Variants in MFN2 observed in about 807,000 individuals in gnomAD.
MFN2 encodes mitofusin-2.
MFN2 carries 43 observed loss-of-function variants against 87.5 expected under a neutral mutation model. The observed-to-expected ratio is 0.49, with a 90% CI of 0.38 to 0.63. The LOEUF is 0.63. Among genes scored for constraint, MFN2 ranks in the 30% least tolerant of loss-of-function variants. The probability of loss-of-function intolerance (pLI) is 0.00; values close to 1 mark genes in which losing one functional copy is unlikely to be tolerated. For synonymous variants in MFN2, 337 were observed against 359.9 expected (o/e 0.94, Z 0.72); for missense variants, 743 against 972.8 (o/e 0.76, Z 3.14).
chr1:12,007,772 T>A (rs1188298978), intron 17 of MFN2, among the ~76,000 whole-genome samples: 1 of 152,112 alleles, frequency 6.6e-6, no homozygotes, highest in Non-Finnish European at 1.5e-5. Flanking sequence ...TTTTCTTTCT[T>A]TCTTTTTTTT....
At chr1:12,007,795 T>A (rs150730679) in intron 17 of MFN2, among the ~76,000 whole-genome samples, 1 of 152,030 alleles carries the variant, frequency 6.6e-6, no homozygotes, top group Non-Finnish European at 1.5e-5. Context: ...AATTGATCAT[T>A]CTTGGGTGTT....
chr1:11,989,176 T>C lies in MFN2; in HGVS notation c.8T>C (p.Leu3Pro). 6.2e-7 allele frequency: 1 copy of C among 1,614,138 alleles called. No individual in the cohort carries two copies. The highest frequency in any genetic ancestry group is 8.5e-7 in the Non-Finnish European group (1 of 1,180,014). The change falls in exon 3 of 19, where the codon CTG becomes CCG. Residue 3 changes from leucine to proline, a missense_variant. Physicochemically the swap from Leu to Pro is moderately conservative, Grantham distance 98. This residue lies in a region of MFN2 where 31 missense variants were observed against 23.2 expected (regional missense o/e 1.33). Transcript: ENST00000235329. MS[L>P]LFSRCNSIVT... is the part of the protein sequence containing the mutation. ...AGCTTCTCTTGCAGCGCAATGTCCC[T>C]GCTCTTCTCTCGATGCAACTCTATC...
At chr1:11,993,663 G>C (rs1036352750) in intron 4 of MFN2, among the ~76,000 whole-genome samples, 1 of 151,712 alleles carries the variant, frequency 6.6e-6, no homozygotes, top group Admixed American at 6.6e-5. Context: ...TGAACCCCAG[G>C]GGGCGGAGCC....
At chr1:12,000,613 C>T (rs946400354) in intron 8 of MFN2, among the ~76,000 whole-genome samples, 6 of 152,178 alleles carry the variant, frequency 3.9e-5, no homozygotes, top group Non-Finnish European at 7.3e-5. Flanking sequence ...TCAAAAACAC[C>T]TGACACGTGG....
intron 5 of MFN2, 97 bp downstream of exon 5, chr1:11,996,415 C>A: frequency 6.9e-7 from 1 of 1,458,390 alleles, no homozygotes; most frequent in Non-Finnish European, 9.5e-7. Context: ...GGGGGCAGCA[C>A]CACCCTGTGG....
chr1:11,983,175 C>G (rs532806595), intron 2 of MFN2, among the ~76,000 whole-genome samples: 1 of 152,288 alleles, frequency 6.6e-6, no homozygotes, highest in Non-Finnish European at 1.5e-5. Flanking sequence ...CAGGTTCACA[C>G]TATCCTCCTG....
chr1:11,997,241 A>G lies in MFN2; in HGVS notation c.475-56A>G, dbSNP rs1638951328. The stretch of plus-strand genomic sequence containing the variant: ...GTGCTGTGATGCAGCGGCACAGGAA[A>G]TCTCCTGGCCTGGTGGTTCCTCCTC... On this transcript the variant is annotated intron_variant, in intron 5 of 18. Coordinates refer to ENST00000235329, the MANE Select transcript of MFN2 (RefSeq NM_014874.4). The G allele has an allele frequency of 1.6e-5, 26 of 1,611,352 alleles. No homozygotes were observed. The Admixed American group carries it at 4.0e-4, about 25-fold the overall frequency.
chr1:11,984,227 T>G (rs531568960), intron 2 of MFN2, among the ~76,000 whole-genome samples: 1 of 152,352 alleles, frequency 6.6e-6, no homozygotes, highest in Non-Finnish European at 1.5e-5. Flanking sequence ...CTGCAGCAAG[T>G]CACTTCTGGA....
At position 11,998,888 on chromosome 1, in the gene MFN2, C is replaced by T. The variant is rs1639049020; in HGVS notation, c.708+10C>T. On this transcript the variant is annotated intron_variant, in intron 7 of 18. Transcript: ENST00000235329. ...CACCCTGATGCAGACGGTAACTCCT[C>T]CTCTGCCTTCTCCCAAGCTCCCAGC... The T allele has an allele frequency of 4.3e-6, 7 of 1,614,006 alleles. No homozygotes were observed. In the East Asian group the frequency reaches 1.6e-4, roughly 36 times the overall value.
In MFN2 at chr1:12,004,182, A is replaced by C; in HGVS notation, c.1287+64A>C. 6.2e-7 allele frequency: 1 copy of C among 1,603,076 alleles called. No homozygotes were observed. ...CTCCGAGTAGAGTCCAGAAGAAAGC[A>C]GACCTCCTCCTCTTAGGGACTTCTC... On this transcript the variant is annotated intron_variant, in intron 12 of 18. Coordinates refer to ENST00000235329, the MANE Select transcript of MFN2 (RefSeq NM_014874.4). This position sits in a 1 kb window ranked among gnomAD's most constrained non-coding sequence, Gnocchi z 4.2.
intron 17 of MFN2, 33 bp downstream of exon 17, chr1:12,007,282 T>C: frequency 6.2e-7 from 1 of 1,606,996 alleles, no homozygotes; most frequent in Non-Finnish European, 8.5e-7. Flanking sequence ...AGCAGGGGAC[T>C]TCCTTTAGGC....
rs749606728 is a variant in MFN2, at chr1:12,006,550, A to G, written c.1729A>G (p.Ile577Val). The G allele has an allele frequency of 4.3e-6, 7 of 1,614,030 alleles. No homozygotes were observed. Among genetic ancestry groups the G allele is most frequent in the African/African-American group, 1.3e-5 (1 of 74,916 alleles). ...MGYNDQVQRPIPLTPANPSMP... is the reference protein window; with the variant it reads ...MGYNDQVQRPVPLTPANPSMP... ...TTTCTCTCCTCAGGTCCAGCGTCCC[A>G]TCCCTCTGACGCCAGCCAACCCCAG... The change falls in exon 16 of 19, where the codon ATC becomes GTC. Residue 577 changes from isoleucine to valine, a missense_variant. By Grantham distance (29) the Ile-to-Val change is conservative. Around this residue, in one of 3 missense-constraint regions of MFN2, gnomAD observed 571 missense variants for 670.7 expected, o/e 0.85. Coordinates refer to ENST00000235329, the MANE Select transcript of MFN2 (RefSeq NM_014874.4).
At chr1:11,989,142 G>A (rs762069576) in intron 2 of MFN2, 23 bp from the exon 3 acceptor site, 3 of 1,613,132 alleles carry the variant, frequency 1.9e-6, no homozygotes, top group East Asian at 2.2e-5. Flanking sequence ...TGCTGGGTTC[G>A]CTCACGTTAG....
intron 17 of MFN2, among the ~76,000 whole-genome samples, chr1:12,008,377 G>T (rs1318185561): frequency 1.3e-5 from 2 of 148,956 alleles, no homozygotes; most frequent in African/African-American, 5.0e-5. Flanking sequence ...GGGCGGAGGC[G>T]CCCCCACCTC....
chr1:12,008,394 G>GACCCA (rs1639520832), intron 17 of MFN2, among the ~76,000 whole-genome samples: 1 of 147,370 alleles, frequency 6.8e-6, no homozygotes, highest in Non-Finnish European at 1.5e-5. Flanking sequence ...CCTCCCTCCC[G>GACCCA]GACGGGGTGG....
intron 8 of MFN2, among the ~76,000 whole-genome samples, chr1:12,000,691 A>T (rs943217905): frequency 6.6e-6 from 1 of 152,140 alleles, no homozygotes; most frequent in African/African-American, 2.4e-5. Flanking sequence ...GCCAGGAGGG[A>T]TGTTCTAGTG....
chr1:11,996,144 A>C lies in MFN2; in HGVS notation c.312-12A>C. ...ACTGGTGGCTTTGCTGACAGCTGTT[A>C]CTTCCTTCTAGGACGAGCAATGGGA... On this transcript the variant is annotated splice_polypyrimidine_tract_variant and intron_variant, in intron 4 of 18. Transcript: ENST00000235329. The C allele has an allele frequency of 6.2e-7, 1 of 1,614,118 alleles. No homozygotes were observed. The highest frequency in any genetic ancestry group is 8.5e-7 in the Non-Finnish European group (1 of 1,180,028).
In MFN2 at chr1:11,984,415, A is replaced by G. The variant is rs138864729; in HGVS notation, c.-5+2301A>G. On this transcript the variant is annotated intron_variant, in intron 2 of 18. Transcript: ENST00000235329. Reference sequence around the variant, plus strand: ...GTAGAGTTTGTTGTTATTGTTTTATAACATGTAAAGCTGCCTTTAGCTCTT... The same window carrying G: ...GTAGAGTTTGTTGTTATTGTTTTATGACATGTAAAGCTGCCTTTAGCTCTT... Among the ~76,000 whole-genome samples the G allele has an allele frequency of 6.0e-4, 91 of 152,288 alleles. 1 individual carries two copies. Among genetic ancestry groups the G allele is most frequent in the African/African-American group, 2.2e-3 (90 of 41,542 alleles).
rs1490606163 is a variant in MFN2 at position 12,013,254 on chromosome 1, G to T, written c.*1689G>T. 4 of 398,620 alleles carry T rather than the reference G, an allele frequency of 1.0e-5. No homozygotes were observed. The highest frequency in any genetic ancestry group is 3.5e-5 in the Admixed American group (1 of 28,664). 24.7% of individuals were successfully genotyped at this position (398,620 alleles called of 1,614,324 possible). A position where few individuals can be genotyped will look rare whatever the true frequency, so the allele number is the denominator to read the frequency against. On this transcript the variant is annotated 3_prime_UTR_variant, in exon 19 of 19. Coordinates refer to ENST00000235329, the MANE Select transcript of MFN2 (RefSeq NM_014874.4). ...TTTTTCAATGTAGCCCCTGGGGAAT[G>T]AATGAAATTTTGAGCTTCTTCAATA...
Sources: allele counts gnomAD v4.1 joint callset (sites outside exome capture counted in the v4.1 genomes callset), GRCh38; gene constraint gnomAD v4.1.1; regional missense constraint gnomAD v4.1.1; non-coding constraint Gnocchi (gnomAD v3.1); transcripts MANE v1.5; gene names NCBI Gene and HGNC (gene_info 2026-07-23, HGNC 2026-07-21).